Variants in MUC5AC observed in about 807,000 individuals in gnomAD.
The protein encoded by MUC5AC is mucin-5AC.
MUC5AC carries 158 observed loss-of-function variants against 169.7 expected under a neutral mutation model. The observed-to-expected ratio is 0.93, with a 90% CI of 0.82 to 1.06. The LOEUF (loss-of-function observed/expected upper bound fraction) is 1.06. Among genes scored for constraint, MUC5AC ranks in the 50% least tolerant of loss-of-function variants. MUC5AC has a pLI of 0.00. For synonymous variants in MUC5AC, 1,975 were observed against 1,237.0 expected, an observed-to-expected ratio of 1.60 and a Z score of -12.52; for missense variants, 4,359 against 3,089.9, an observed-to-expected ratio of 1.41 and a Z score of -9.74.
intron 21 of MUC5AC, 118 bp downstream of exon 21, chr11:1,176,783 G>A (rs1236468708): frequency 7.5e-6 from 3 of 398,366 alleles, no homozygotes; most frequent in Non-Finnish European, 1.3e-5. Flanking sequence ...CACAGACTCA[G>A]GGCTGGACGC....
At position 1,174,552 on chromosome 11, in the gene MUC5AC, G is replaced by A. The variant is rs926833661; in HGVS notation, c.2022G>A (p.Ala674=). The A allele has an allele frequency of 7.4e-5, 115 of 1,561,970 alleles. 1 individual carries two copies. The East Asian group carries it at 1.9e-3, about 25-fold the overall frequency. The part of the protein sequence containing the change: ...CERSEDCLCA[A]LSSYVHACAA... ...GGAGCGAGGACTGCCTGTGCGCCGC[G>A]CTGTCCTCCTACGTGCACGCCTGTG... Residue 674 remains alanine, a synonymous_variant, in exon 17 of 49, where the codon GCG becomes GCA. Transcript: ENST00000621226.
At chr11:1,196,742 T>C (rs1554930182) in intron 39 of MUC5AC, 22 bp downstream of exon 39, 1 of 741,820 alleles carries the variant, frequency 1.3e-6, no homozygotes, top group Admixed American at 1.8e-5. Flanking sequence ...AGGCCGGGGC[T>C]GGGGGGTGTG....
chr11:1,189,545 C>G lies in MUC5AC; in HGVS notation c.11400C>G (p.Thr3800=), dbSNP rs1861034746. The G allele has an allele frequency of 1.7e-6, 1 of 600,190 alleles. No individual in the cohort carries two copies. 37.2% of individuals were successfully genotyped at this position (600,190 alleles called of 1,614,324 possible). A position where few individuals can be genotyped will look rare whatever the true frequency, so the allele number is the denominator to read the frequency against. ...STISAPTTST[T]STPQTSTISS... ...TCTCTGCCCCTACAACCAGCACAAC[C>G]TCCACTCCACAGACCAGCACAATCT... Residue 3800 remains threonine, a synonymous_variant, in exon 31 of 49, where the codon ACC becomes ACG. Coordinates refer to ENST00000621226, the MANE Select transcript of MUC5AC (RefSeq NM_001304359.2).
At chr11:1,174,214 G>C (rs1424391936) in intron 16 of MUC5AC, among the ~76,000 whole-genome samples, 2 of 152,274 alleles carry the variant, frequency 1.3e-5, no homozygotes, top group African/African-American at 4.8e-5. Flanking sequence ...CTGATGTGCT[G>C]TGTCTGAGGC....
chr11:1,172,772 G>C (rs1014578315), intron 16 of MUC5AC, among the ~76,000 whole-genome samples: 2 of 135,690 alleles, frequency 1.5e-5, no homozygotes, highest in African/African-American at 5.6e-5. Flanking sequence ...TCACTCACCC[G>C]TTCACCCATT....
In MUC5AC at chr11:1,181,364, GCGGGGCCAA is replaced by G; in HGVS notation, c.3918_3926del (p.Ala1307_Gly1309del). The G allele has an allele frequency of 2.5e-6, 1 of 398,738 alleles. No individual in the cohort carries two copies. Among genetic ancestry groups the G allele is most frequent in the Non-Finnish European group, 4.4e-6 (1 of 226,190 alleles). 24.7% of individuals were successfully genotyped at this position (398,738 alleles called of 1,614,324 possible). On this transcript the variant is annotated inframe_deletion, in exon 30 of 49. Transcript: ENST00000621226. ...ACGGGTGGCTGCATCTCCGCCCGCT[GCGGGGCCAA>G]CGGCACCATTGAGAGGAGGGTCTAC...
In MUC5AC at chr11:1,196,736, C is replaced by T. The variant is rs561917260; in HGVS notation, c.15829+16C>T. On this transcript the variant is annotated intron_variant, in intron 39 of 48. Transcript: ENST00000621226. ...GGCTGCCCCAGTACGTGCCCCAGGCCGGGGCTGGGGGGTGTGGCAGGACTG... is the reference window on the plus strand; with the variant it reads ...GGCTGCCCCAGTACGTGCCCCAGGCTGGGGCTGGGGGGTGTGGCAGGACTG... 31 of 746,020 alleles carry T rather than the reference C, an allele frequency of 4.2e-5. No individual in the cohort carries two copies. The highest frequency in any genetic ancestry group is 5.6e-5 in the Non-Finnish European group (23 of 409,160). The allele number at this position is 746,020 out of a possible 1,614,324, so 46.2% of individuals were successfully genotyped here.
chr11:1,159,531 TTCTGTGCGGG>T (rs1860065089), intron 1 of MUC5AC, among the ~76,000 whole-genome samples: 12 of 65,262 alleles, frequency 1.8e-4, no homozygotes, highest in Admixed American at 1.8e-3. Flanking sequence ...ACCATGCTGG[TTCTGTGCGGG>T]GCTGTGCGGG....
In MUC5AC at chr11:1,186,405, A is replaced by T. The variant is rs1394545029; in HGVS notation, c.8260A>T (p.Thr2754Ser). The part of the protein sequence containing the change: ...PTPRRTSAPT[T>S]STISASTTST... The stretch of plus-strand genomic sequence containing the variant: ...ACCCAGAAGAACCTCAGCCCCTACA[A>T]CCAGCACAATCTCTGCCTCTACCAC... The change falls in exon 31 of 49, where the codon ACC becomes TCC. Residue 2754 changes from threonine to serine, a missense_variant. Transcript: ENST00000621226. 1 of 705,300 alleles carries T rather than the reference A, an allele frequency of 1.4e-6. No individual in the cohort carries two copies. Among genetic ancestry groups the T allele is most frequent in the Non-Finnish European group, 2.6e-6 (1 of 386,672 alleles). 43.7% of individuals were successfully genotyped at this position (705,300 alleles called of 1,614,324 possible).
Position 1,197,930 on chromosome 11 carries a change from C to T in MUC5AC, c.16061C>T (p.Pro5354Leu). 2.7e-6 allele frequency: 2 copies of T among 734,226 alleles called. No individual in the cohort carries two copies. The highest frequency in any genetic ancestry group is 4.9e-6 in the Non-Finnish European group (2 of 404,336). The allele number at this position is 734,226 out of a possible 1,614,324, so 45.5% of individuals were successfully genotyped here. A position where few individuals can be genotyped will look rare whatever the true frequency, so the allele number is the denominator to read the frequency against. Residue 5354 changes from proline (P) to leucine (L), a missense_variant, in exon 42 of 49, where the codon CCC becomes CTC. Coordinates refer to ENST00000621226, the MANE Select transcript of MUC5AC (RefSeq NM_001304359.2). ...TGCAACACCAGCCGCTGCCCCGCGC[C>T]CGTGGGCTGTCCTGAGGGCGCCCGC... ...CACNTSRCPA[P>L]VGCPEGARAI...
rs1212080373 is a variant in MUC5AC at position 1,200,695 on chromosome 11, T to G, written c.16958T>G (p.Met5653Arg). The G allele has an allele frequency of 2.7e-6, 2 of 748,488 alleles. No homozygotes were observed. Among genetic ancestry groups the G allele is most frequent in the Non-Finnish European group, 4.9e-6 (2 of 406,376 alleles). The allele number at this position is 748,488 out of a possible 1,614,324, so 46.4% of individuals were successfully genotyped here. ...SWERGVPVSP[M>R]H ...GAGAGAGGCGTCCCAGTGTCCCCCA[T>G]GCACTGACCAGCACTGCCGCCCTCC... The change falls in exon 49 of 49, where the codon ATG (methionine) becomes AGG (arginine). Residue 5653 changes from methionine (M) to arginine (R), a missense_variant. Met to Arg is a moderately conservative substitution (Grantham distance 91). Coordinates refer to ENST00000621226, the MANE Select transcript of MUC5AC (RefSeq NM_001304359.2).
chr11:1,175,531 GCA>G (rs1233308469), intron 19 of MUC5AC, among the ~76,000 whole-genome samples: 2 of 141,016 alleles, frequency 1.4e-5, no homozygotes, highest in African/African-American at 5.3e-5. Context: ...GCCCACTCAT[GCA>G]CACACACCCA....
rs1313071072 is a variant in MUC5AC, at chr11:1,199,858, C to T, written c.16589C>T (p.Ser5530Leu). Residue 5530 changes from serine to leucine, a missense_variant, in exon 48 of 49, where the codon TCG (serine) becomes TTG (leucine). Ser to Leu is a moderately radical substitution (Grantham distance 145, BLOSUM62 -2). Transcript: ENST00000621226. The part of the protein sequence containing the change: ...PPPPPPYQNQ[S>L]TCAVYHRSLI... ...TAAACCCTGTGTTCCTCTCCAGAGT[C>T]GACCTGTGCTGTGTACCATAGGAGC... 8 of 763,164 alleles carry T rather than the reference C, an allele frequency of 1.0e-5. No individual in the cohort carries two copies. The highest frequency in any genetic ancestry group is 2.4e-5 in the East Asian group (1 of 41,172). 47.3% of individuals were successfully genotyped at this position (763,164 alleles called of 1,614,324 possible). A position where few individuals can be genotyped will look rare whatever the true frequency, so the allele number is the denominator to read the frequency against.
At position 1,165,771 on chromosome 11, in the gene MUC5AC, G is replaced by A; in HGVS notation, c.1386+11G>A. ...TATGTGCTGACCAAGGTACGGCCTG[G>A]CTGCCTGGGGTGCTCGCCGGACAGA... On this transcript the variant is annotated intron_variant, in intron 11 of 48. Coordinates refer to ENST00000621226, the MANE Select transcript of MUC5AC (RefSeq NM_001304359.2). The A allele has an allele frequency of 6.2e-7, 1 of 1,611,216 alleles. No homozygotes were observed.
chr11:1,180,298 A>G, intron 27 of MUC5AC, 56 bp from the exon 28 acceptor site: 2 of 398,620 alleles, frequency 5.0e-6, no homozygotes, highest in Non-Finnish European at 8.8e-6. Flanking sequence ...GGAGCCCTCC[A>G]GAGCGAGGTG....
rs1410037773 is a variant in MUC5AC at position 1,162,144 on chromosome 11, G to C, written c.449G>C (p.Gly150Ala). ...VDGVVIQLTK[G>A]SVLVNGHPVL... ...GGCGTGGTCATCCAGCTGACCAAGG[G>C]CTCCGTCCTGGTCAACGGCCACCCG... is the stretch of plus-strand genomic sequence containing the variant. The change falls in exon 4 of 49, where the codon GGC becomes GCC. Residue 150 changes from glycine to alanine, a missense_variant. Physicochemically the swap from Gly to Ala is moderately conservative, Grantham distance 60. Coordinates refer to ENST00000621226, the MANE Select transcript of MUC5AC (RefSeq NM_001304359.2). 1 of 1,612,250 alleles carries C rather than the reference G, an allele frequency of 6.2e-7. No individual in the cohort carries two copies. The highest frequency in any genetic ancestry group is 8.5e-7 in the Non-Finnish European group (1 of 1,179,632).
intron 40 of MUC5AC, 54 bp downstream of exon 40, chr11:1,196,962 G>A: frequency 1.4e-6 from 1 of 738,696 alleles, no homozygotes; most frequent in Non-Finnish European, 2.5e-6. Context: ...CCCGAGGAGG[G>A]AGGCTCTTGA....
Position 1,177,034 on chromosome 11 carries a change from T to G in MUC5AC, c.2761T>G (p.Phe921Val), listed in dbSNP as rs1860703602. Residue 921 changes from phenylalanine (F) to valine (V), a missense_variant, in exon 22 of 49, where the codon TTC becomes GTC. Phe to Val is a conservative substitution (Grantham distance 50). Coordinates refer to ENST00000621226, the MANE Select transcript of MUC5AC (RefSeq NM_001304359.2). Reference protein sequence around the residue: ...YLTFDGQSYSFNGDCEYTLVQ... With the variant: ...YLTFDGQSYSVNGDCEYTLVQ... Reference sequence around the variant, plus strand: ...CACCTTCGACGGACAGAGCTACAGCTTCAACGGAGACTGCGAGTACACGCT... The same window carrying G: ...CACCTTCGACGGACAGAGCTACAGCGTCAACGGAGACTGCGAGTACACGCT... 5.0e-6 allele frequency: 2 copies of G among 398,706 alleles called. No homozygotes were observed. The highest frequency in any genetic ancestry group is 8.8e-6 in the Non-Finnish European group (2 of 226,196). 24.7% of individuals were successfully genotyped at this position (398,706 alleles called of 1,614,324 possible).
chr11:1,182,106 C>CTTCTCTTCTG (rs1860828329), intron 30 of MUC5AC, 49 bp from the exon 31 acceptor site: 1 of 398,454 alleles, frequency 2.5e-6, no homozygotes, highest in Non-Finnish European at 4.4e-6. Context: ...GGCGGGCGGC[C>CTTCTCTTCTG]CCCAAGTGCG....
Sources: allele counts gnomAD v4.1 joint callset (sites outside exome capture counted in the v4.1 genomes callset), GRCh38; gene constraint gnomAD v4.1.1; transcripts MANE v1.5; gene names NCBI Gene and HGNC (gene_info 2026-07-23, HGNC 2026-07-21).